The following KIF2A variants were observed in gnomAD, a reference collection of about 807,000 sequenced individuals.
KIF2A encodes the protein kinesin family member 2A, also known as kinesin-like protein KIF2A.
A neutral mutation model predicts 100.2 loss-of-function variants in KIF2A; 22 were observed. The observed-to-expected ratio is 0.22, with a 90% CI of 0.16 to 0.31. KIF2A has a LOEUF of 0.31. Among genes scored for constraint, KIF2A ranks in the 10% least tolerant of loss-of-function variants. The pLI is 1.00. For synonymous variants in KIF2A, 268 were observed against 285.9 expected (o/e 0.94, Z 0.63); for missense variants, 495 against 898.7 (o/e 0.55, Z 5.74).
intron 18 of KIF2A, among the ~76,000 whole-genome samples, chr5:62,374,852 G>T (rs1421438369): frequency 3.3e-5 from 5 of 152,108 alleles, no homozygotes; most frequent in Non-Finnish European, 5.9e-5. Context: ...GCTTGAAACT[G>T]GGAGGTGGAG....
At chr5:62,367,889 C>G (rs1321977751) in intron 16 of KIF2A, among the ~76,000 whole-genome samples, 1 of 152,122 alleles carries the variant, frequency 6.6e-6, no homozygotes, top group African/African-American at 2.4e-5. Flanking sequence ...CAAAATTCCT[C>G]TTTGTAATCC....
At chr5:62,328,642 C>T (rs1161265837) in intron 1 of KIF2A, among the ~76,000 whole-genome samples, 1 of 152,066 alleles carries the variant, frequency 6.6e-6, no homozygotes, top group Non-Finnish European at 1.5e-5. Flanking sequence ...CAGGCATGTG[C>T]CACCATGCCT....
Position 62,352,728 on chromosome 5 carries a change from C to A in KIF2A, c.457+18C>A. ...ACCCCCTTGTATGTAAATTATGTATCAAGGATTTAGTCATTTTAGGCATAC... is the reference window on the plus strand; with the variant it reads ...ACCCCCTTGTATGTAAATTATGTATAAAGGATTTAGTCATTTTAGGCATAC... On this transcript the variant is annotated intron_variant, in intron 5 of 20. Transcript: ENST00000407818. The A allele has an allele frequency of 1.2e-6, 2 of 1,604,918 alleles. No homozygotes were observed. Among genetic ancestry groups the A allele is most frequent in the Non-Finnish European group, 1.7e-6 (2 of 1,174,822 alleles).
intron 4 of KIF2A, among the ~76,000 whole-genome samples, chr5:62,350,889 G>T (rs1009250311): frequency 6.6e-6 from 1 of 150,698 alleles, no homozygotes; most frequent in Non-Finnish European, 1.5e-5. Context: ...TCCAGTCTGG[G>T]CGACAGAGCG....
chr5:62,375,304 A>T (rs1196935163), intron 18 of KIF2A, among the ~76,000 whole-genome samples: 2 of 152,220 alleles, frequency 1.3e-5, no homozygotes, highest in Admixed American at 1.3e-4. Flanking sequence ...AAGTCTTATC[A>T]TGGCATTTTC....
chr5:62,367,117 TA>T (rs937187888), intron 16 of KIF2A, among the ~76,000 whole-genome samples: 2 of 152,202 alleles, frequency 1.3e-5, no homozygotes, highest in African/African-American at 4.8e-5. Flanking sequence ...GACTCTGAAG[TA>T]AATGAATGTC....
chr5:62,308,143 A>G (rs1212241322), intron 1 of KIF2A, among the ~76,000 whole-genome samples: 1 of 152,240 alleles, frequency 6.6e-6, no homozygotes, highest in African/African-American at 2.4e-5. Flanking sequence ...AACTGAAACC[A>G]TCGTTATCCT....
chr5:62,360,513 C>T (rs1034110946), intron 9 of KIF2A, among the ~76,000 whole-genome samples: 5 of 152,014 alleles, frequency 3.3e-5, no homozygotes, highest in East Asian at 2.0e-4. Flanking sequence ...GGTGAAACCA[C>T]GTCTCTACTA....
Position 62,387,670 on chromosome 5 carries a change from A to C in KIF2A, c.*2101A>C, listed in dbSNP as rs550809197. The C allele has an allele frequency of 7.2e-5, 11 of 152,332 alleles. No homozygotes were observed. The highest frequency in any genetic ancestry group is 3.4e-3 in the Middle Eastern group (1 of 294). The allele number at this position is 152,332 out of a possible 1,614,324, so 9.4% of individuals were successfully genotyped here. ...GAAATAACCTGAGAAAGCCGAGTTAAATCTTAAAATTTTTACTATAAGGAT... is the reference window on the plus strand; with the variant it reads ...GAAATAACCTGAGAAAGCCGAGTTACATCTTAAAATTTTTACTATAAGGAT... On this transcript the variant is annotated 3_prime_UTR_variant, in exon 21 of 21. Transcript: ENST00000407818.
chr5:62,383,494 C>G (rs1252249155), intron 20 of KIF2A, among the ~76,000 whole-genome samples: 1 of 151,930 alleles, frequency 6.6e-6, no homozygotes. Flanking sequence ...CCGCCCATCT[C>G]GGCCTCCGAA....
chr5:62,315,918 A>G (rs938094156), intron 1 of KIF2A, among the ~76,000 whole-genome samples: 3 of 152,232 alleles, frequency 2.0e-5, no homozygotes, highest in African/African-American at 7.2e-5. Context: ...TTGATGTTAT[A>G]TTGCAATATA....
In KIF2A at chr5:62,306,406, C is replaced by T; in HGVS notation, c.-67C>T. 9.5e-7 allele frequency: 1 copy of T among 1,051,396 alleles called. No homozygotes were observed. The highest frequency in any genetic ancestry group is 1.4e-5 in the South Asian group (1 of 71,406). The allele number at this position is 1,051,396 out of a possible 1,614,324, so 65.1% of individuals were successfully genotyped here. Reference sequence around the variant, plus strand: ...CTCCCCCTCCCACACCTACCCCGCCCCCTCCCCGCCTTTTCCGCCCTCCGG... The same window carrying T: ...CTCCCCCTCCCACACCTACCCCGCCTCCTCCCCGCCTTTTCCGCCCTCCGG... On this transcript the variant is annotated 5_prime_UTR_variant, in exon 1 of 21. Coordinates refer to ENST00000407818, the MANE Select transcript of KIF2A (RefSeq NM_001098511.3).
Position 62,368,215 on chromosome 5 carries a change from T to C in KIF2A, c.1646+1734T>C, listed in dbSNP as rs544762905. 1.6e-4 allele frequency among the ~76,000 whole-genome samples: 25 copies of C among 152,078 alleles called. 1 individual carries two copies. Among genetic ancestry groups the C allele is most frequent in the African/African-American group, 5.3e-4 (22 of 41,526 alleles). On this transcript the variant is annotated intron_variant, in intron 16 of 20. Transcript: ENST00000407818. The stretch of plus-strand genomic sequence containing the variant: ...GAATAACATGCCTTATTCATCTGTC[T>C]CTACCCTGATGTAACCCATGGATTA...
At chr5:62,346,027 A>C (rs913051230) in intron 1 of KIF2A, among the ~76,000 whole-genome samples, 1 of 152,140 alleles carries the variant, frequency 6.6e-6, no homozygotes, top group Non-Finnish European at 1.5e-5. Flanking sequence ...CAAATATACA[A>C]TAGTATTCAT....
chr5:62,347,867 G>GC (rs1487694121), intron 2 of KIF2A, among the ~76,000 whole-genome samples, 181 bp from the exon 3 acceptor site: 1 of 151,860 alleles, frequency 6.6e-6, no homozygotes, highest in East Asian at 1.9e-4. Context: ...CAAATGATCC[G>GC]CCCACCTTGA....
At chr5:62,330,703 A>G (rs892981753) in intron 1 of KIF2A, among the ~76,000 whole-genome samples, 14 of 152,186 alleles carry the variant, frequency 9.2e-5, no homozygotes, top group Non-Finnish European at 1.0e-4. Context: ...TTTTATTAGC[A>G]TATGTTTAAA....
At chr5:62,349,730 T>C (rs1747752496) in intron 3 of KIF2A, among the ~76,000 whole-genome samples, 1 of 152,176 alleles carries the variant, frequency 6.6e-6, no homozygotes. Flanking sequence ...ACACATATTA[T>C]TGTGAAGCTA....
At chr5:62,359,308 G>T (rs979974989) in intron 9 of KIF2A, among the ~76,000 whole-genome samples, 1 of 151,936 alleles carries the variant, frequency 6.6e-6, no homozygotes, top group Non-Finnish European at 1.5e-5. Context: ...GTAATTGCTT[G>T]AATACTATAT....
At position 62,388,844 on chromosome 5, in the gene KIF2A, C is replaced by T. The variant is rs1742159210; in HGVS notation, c.*3275C>T. On this transcript the variant is annotated 3_prime_UTR_variant, in exon 21 of 21. Coordinates refer to ENST00000407818, the MANE Select transcript of KIF2A (RefSeq NM_001098511.3). ...AAAAACTTTGATACTTAGAACTTTC[C>T]AACTTTAAAATTCAGAATCATAAAT... is the stretch of plus-strand genomic sequence containing the variant. The T allele has an allele frequency of 1.5e-6, 1 of 658,254 alleles. No individual in the cohort carries two copies. The highest frequency in any genetic ancestry group is 2.6e-6 in the Non-Finnish European group (1 of 378,054). The allele number at this position is 658,254 out of a possible 1,614,324, so 40.8% of individuals were successfully genotyped here.
Sources: gnomAD v4.1 joint callset for allele counts (sites outside exome capture counted in the v4.1 genomes callset) on GRCh38, gnomAD v4.1.1 for gene constraint, MANE v1.5 for transcripts, NCBI Gene and HGNC (gene_info 2026-07-23, HGNC 2026-07-21) for gene names.